Variants in DPEP1 observed in about 807,000 individuals in gnomAD.
DPEP1 encodes dipeptidase 1, also known as beta-lactamase.
DPEP1 carries 50 observed loss-of-function variants against 42.3 expected under a neutral mutation model. The observed-to-expected ratio is 1.18, with a 90% confidence interval of 0.94 to 1.50. DPEP1 has a LOEUF of 1.50. DPEP1 is among the 40% of genes most tolerant of loss of function. DPEP1 has a pLI of 0.00. For missense variants in DPEP1, 663 were observed against 553.0 expected (o/e 1.20, Z -1.99); for synonymous variants, 297 against 234.0 (o/e 1.27, Z -2.46).
chr16:89,616,884 GGGAAGCAGGCAGAGAGCGGCCA>G (rs1041918402), intron 1 of DPEP1: 41 of 239,090 alleles, frequency 1.7e-4, no homozygotes, highest in Non-Finnish European at 2.1e-4. Context: ...GGAAGCGGCC[GGGAAGCAGGCAGAGAGCGGCCA>G]GGAAGCGGGT....
At chr16:89,614,939 C>A (rs2059367891) in intron 1 of DPEP1, among the ~76,000 whole-genome samples, 1 of 152,180 alleles carries the variant, frequency 6.6e-6, no homozygotes, top group South Asian at 2.1e-4. Flanking sequence ...GCAGAACCTA[C>A]TTCGGCCAAT....
chr16:89,631,758 G>C (rs2059592013), intron 2 of DPEP1, among the ~76,000 whole-genome samples: 2 of 152,204 alleles, frequency 1.3e-5, no homozygotes, highest in African/African-American at 4.8e-5. Flanking sequence ...TCAGGAGGCT[G>C]AGGCAGGAGA....
downstream of DPEP1, chr16:89,638,504 C>T (rs1057301545): frequency 1.2e-5 from 15 of 1,248,180 alleles, no homozygotes; most frequent in African/African-American, 1.2e-4. Flanking sequence ...CCTGGTTGGA[C>T]GTGGGGCACT....
intron 2 of DPEP1, among the ~76,000 whole-genome samples, chr16:89,635,148 C>T (rs868750599): frequency 1.9e-5 from 1 of 51,442 alleles, no homozygotes; most frequent in African/African-American, 1.2e-4. Context: ...CCTTCCTTCT[C>T]CTTTCCCCTT....
In DPEP1 at chr16:89,622,630, A is replaced by G. The variant is rs955629224; in HGVS notation, c.-106-7675A>G. 5.9e-5 allele frequency among the ~76,000 whole-genome samples: 9 copies of G among 152,186 alleles called. No homozygotes were observed. The East Asian group carries it at 1.6e-3, about 26-fold the overall frequency. On this transcript the variant is annotated intron_variant, in intron 1 of 10. Transcript: ENST00000690203. ...GAAACCCTGTCTCTACTAAAAATAC[A>G]AAAATTAGTCGGGCGTGGTGGCGGG...
At chr16:89,614,778 G>A (rs886344236) in intron 1 of DPEP1, among the ~76,000 whole-genome samples, 4 of 152,190 alleles carry the variant, frequency 2.6e-5, no homozygotes, top group African/African-American at 4.8e-5. Flanking sequence ...CTGAGTGACA[G>A]AGCGAGACTC....
In DPEP1 at chr16:89,638,294, A is replaced by T. The variant is rs903373938; in HGVS notation, c.*72A>T. On this transcript the variant is annotated 3_prime_UTR_variant, in exon 11 of 11. Transcript: ENST00000690203. ...AGACCCGCCCATCCCAGGACTCCAG[A>T]TGCCAGGAGCCCTGCTGCCCACATG... 1 of 1,465,982 alleles carries T rather than the reference A, an allele frequency of 6.8e-7. No individual in the cohort carries two copies. Among genetic ancestry groups the T allele is most frequent in the Non-Finnish European group, 9.0e-7 (1 of 1,110,974 alleles). 90.8% of individuals were successfully genotyped at this position (1,465,982 alleles called of 1,614,324 possible). A position where few individuals can be genotyped will look rare whatever the true frequency, so the allele number is the denominator to read the frequency against.
intron 2 of DPEP1, among the ~76,000 whole-genome samples, chr16:89,635,250 T>C (rs1171339531): frequency 6.6e-6 from 1 of 150,432 alleles, no homozygotes; most frequent in African/African-American, 2.5e-5. Context: ...TCACGAGAGC[T>C]CCTACCCTCA....
chr16:89,637,861 T>C lies in DPEP1; in HGVS notation c.955T>C (p.Ser319Pro), dbSNP rs759468050. The C allele has an allele frequency of 1.9e-6, 3 of 1,612,690 alleles. No homozygotes were observed. The highest frequency in any genetic ancestry group is 1.7e-6 in the Non-Finnish European group (2 of 1,179,892). ...GGTCCCTGAGGGGCTGGAGGACGTC[T>C]CCAAGTATCCAGACCTGATCGCTGA... ...PRVPEGLEDVSKYPDLIAELL... is the reference protein window; with the variant it reads ...PRVPEGLEDVPKYPDLIAELL... The change falls in exon 10 of 11, where the codon TCC (serine) becomes CCC (proline). Residue 319 changes from serine to proline, a missense_variant. Ser to Pro is a moderately conservative substitution (Grantham distance 74). Transcript: ENST00000690203.
At chr16:89,618,778 T>C (rs1597740896) in intron 1 of DPEP1, among the ~76,000 whole-genome samples, 1 of 151,912 alleles carries the variant, frequency 6.6e-6, no homozygotes. Context: ...CAATTCGCAT[T>C]TTGTAACTTA....
chr16:89,635,389 A>G (rs1484084001), intron 2 of DPEP1, among the ~76,000 whole-genome samples: 5 of 152,158 alleles, frequency 3.3e-5, no homozygotes, highest in Non-Finnish European at 7.3e-5. Context: ...GGTAGCCCCC[A>G]AAGCCTGTAC....
rs756409670 is a variant in DPEP1 at position 89,630,462 on chromosome 16, T to A, written c.52T>A (p.Phe18Ile). 4 of 1,610,874 alleles carry A rather than the reference T, an allele frequency of 2.5e-6. No homozygotes were observed. The highest frequency in any genetic ancestry group is 3.4e-6 in the Non-Finnish European group (4 of 1,178,946). ...WPLVAVCTAD[F>I]FRDEAERIMR... is the part of the protein sequence containing the mutation. ...CCTTGTGGCCGTCTGCACTGCAGAC[T>A]TCTTTCGGGACGAGGCAGAGAGGAT... The change falls in exon 2 of 11, where the codon TTC (phenylalanine) becomes ATC (isoleucine). Residue 18 changes from phenylalanine (F) to isoleucine (I), a missense_variant. Physicochemically the swap from Phe to Ile is conservative, Grantham distance 21. Transcript: ENST00000690203.
rs963544471 is a variant in DPEP1, at chr16:89,630,282, A to G, written c.-106-23A>G. 9 of 646,450 alleles carry G rather than the reference A, an allele frequency of 1.4e-5. No homozygotes were observed. The South Asian group carries it at 1.4e-4, about 10-fold the overall frequency. The allele number at this position is 646,450 out of a possible 1,614,324, so 40.0% of individuals were successfully genotyped here. On this transcript the variant is annotated intron_variant, in intron 1 of 10. Transcript: ENST00000690203. ...GCCACCTGTCATCACTTCCACCCAC[A>G]CCTCTGGTGCCTCTCCTGGCAGGCA...
intron 1 of DPEP1, among the ~76,000 whole-genome samples, chr16:89,623,808 AAGG>A (rs1226933500): frequency 6.6e-6 from 1 of 152,148 alleles, no homozygotes; most frequent in Non-Finnish European, 1.5e-5. Context: ...GGAGCTCAGA[AAGG>A]AGGGGAAGAA....
At chr16:89,617,565 C>T (rs978549398) in intron 1 of DPEP1, among the ~76,000 whole-genome samples, 1 of 18,770 alleles carries the variant, frequency 5.3e-5, no homozygotes, top group East Asian at 1.3e-3. Context: ...TGCTGGAAGG[C>T]GGCCGGGCGC....
chr16:89,633,797 G>GGAGCTGTCCTCA (rs1212413818), intron 2 of DPEP1, among the ~76,000 whole-genome samples: 153 of 151,562 alleles, frequency 1.0e-3, no homozygotes, highest in Middle Eastern at 3.4e-3. Flanking sequence ...GAGGCACAGG[G>GGAGCTGTCCTCA]ATGGGTCTGG....
chr16:89,631,621 C>T (rs566252140), intron 2 of DPEP1, among the ~76,000 whole-genome samples: 4 of 152,254 alleles, frequency 2.6e-5, no homozygotes, highest in East Asian at 3.9e-4. Context: ...TTTGGGAGGC[C>T]GAGGCGGGCG....
chr16:89,627,667 T>C (rs1414631589), intron 1 of DPEP1, among the ~76,000 whole-genome samples: 8 of 134,050 alleles, frequency 6.0e-5, no homozygotes, highest in African/African-American at 1.9e-4. Flanking sequence ...TTTTTTTTTT[T>C]TTTTTTTTTT....
In DPEP1 at chr16:89,621,427, C is replaced by A. The variant is rs80103860; in HGVS notation, c.-107+7708C>A. 0.023 allele frequency among the ~76,000 whole-genome samples: 3,540 copies of A among 152,194 alleles called. 595 individuals are homozygous for A. The East Asian group carries it at 0.47, about 20-fold the overall frequency. On this transcript the variant is annotated intron_variant, in intron 1 of 10. Coordinates refer to ENST00000690203, the MANE Select transcript of DPEP1 (RefSeq NM_001389466.1). Reference sequence around the variant, plus strand: ...ACGGCTGGGCCTGCAGATTGAGGGGCCTGTGGACTCCCCCAGTGCAGACAT... The same window carrying A: ...ACGGCTGGGCCTGCAGATTGAGGGGACTGTGGACTCCCCCAGTGCAGACAT...
Sources: gnomAD v4.1 joint callset for allele counts (sites outside exome capture counted in the v4.1 genomes callset) on GRCh38, gnomAD v4.1.1 for gene constraint, MANE v1.5 for transcripts, NCBI Gene and HGNC (gene_info 2026-07-23, HGNC 2026-07-21) for gene names.